Variants in CHP1 observed in about 807,000 individuals in gnomAD.
CHP1 encodes calcineurin B homologous protein 1.
CHP1 carries 11 observed loss-of-function variants against 27.4 expected under a neutral mutation model. That is an observed-to-expected ratio of 0.40 (90% CI 0.25 to 0.67). CHP1 has a LOEUF of 0.67. CHP1 is among the 30% of genes least tolerant of loss of function. The probability of loss-of-function intolerance (pLI) is 0.38; values close to 1 mark genes in which losing one functional copy is unlikely to be tolerated. For missense variants in CHP1, 169 were observed against 251.3 expected, an observed-to-expected ratio of 0.67 and a Z score of 2.22; for synonymous variants, 89 against 87.4, an observed-to-expected ratio of 1.02 and a Z score of -0.10.
chr15:41,264,248 C>G, intron 4 of CHP1: 1 of 1,278,660 alleles, frequency 7.8e-7, no homozygotes, highest in Non-Finnish European at 1.0e-6. Flanking sequence ...AAGTCCTTCC[C>G]CTCACTTTGA....
intron 3 of CHP1, among the ~76,000 whole-genome samples, chr15:41,259,416 C>G (rs1343047371): frequency 6.6e-6 from 1 of 152,084 alleles, no homozygotes; most frequent in Non-Finnish European, 1.5e-5. Context: ...CTCTACTGGG[C>G]TGCACTGCTT....
chr15:41,245,667 A>G (rs905811252), intron 2 of CHP1, among the ~76,000 whole-genome samples: 3 of 152,204 alleles, frequency 2.0e-5, no homozygotes, highest in African/African-American at 4.8e-5. Context: ...TATTGCAAAT[A>G]GTGTTGCTTT....
chr15:41,245,716 G>T (rs1365548399), intron 2 of CHP1, among the ~76,000 whole-genome samples: 1 of 152,094 alleles, frequency 6.6e-6, no homozygotes, highest in Non-Finnish European at 1.5e-5. Flanking sequence ...ATTTCTCTTG[G>T]ACGTATACCT....
At chr15:41,253,038 A>C (rs577731335) in intron 2 of CHP1, among the ~76,000 whole-genome samples, 34 of 145,968 alleles carry the variant, frequency 2.3e-4, no homozygotes, top group Non-Finnish European at 4.0e-4. Context: ...TCCCAGGTTC[A>C]AGTGATTCTC....
rs549326709 is a variant in CHP1, at chr15:41,275,281, A to G, written c.412-3486A>G. ...CAAGCGATTCTGCCTCAGCCTCCCA[A>G]GTAGCTGGGATTACAGGTGCCCGCC... On this transcript the variant is annotated intron_variant, in intron 5 of 6. Transcript: ENST00000334660. 3.2e-4 allele frequency among the ~76,000 whole-genome samples: 49 copies of G among 152,038 alleles called. 2 individuals are homozygous for G. In the South Asian group the frequency reaches 9.6e-3, roughly 30 times the overall value.
intron 2 of CHP1, among the ~76,000 whole-genome samples, chr15:41,247,228 G>A (rs941078296): frequency 9.2e-5 from 14 of 152,044 alleles, no homozygotes; most frequent in Admixed American, 3.3e-4. Context: ...AATTAGCTGG[G>A]TGTGGTGGCG....
At chr15:41,242,475 C>G (rs1012589403) in intron 1 of CHP1, among the ~76,000 whole-genome samples, 3 of 152,122 alleles carry the variant, frequency 2.0e-5, no homozygotes, top group African/African-American at 7.2e-5. Flanking sequence ...CATTTTTTAG[C>G]TGGAACTGTG....
intron 5 of CHP1, among the ~76,000 whole-genome samples, chr15:41,273,697 A>T (rs1292257877): frequency 1.3e-5 from 2 of 151,784 alleles, no homozygotes; most frequent in African/African-American, 4.9e-5. Context: ...TAAAAAAAAA[A>T]AAAAGAAGTC....
rs1003773401 is a variant in CHP1, at chr15:41,267,770, A to G, written c.350-2787A>G. Among the ~76,000 whole-genome samples the G allele has an allele frequency of 1.5e-4, 20 of 134,088 alleles. 1 individual carries two copies. Among genetic ancestry groups the G allele is most frequent in the Admixed American group, 4.4e-4 (6 of 13,792 alleles). The allele number at this position is 134,088 out of a possible 152,430, so 88.0% of individuals were successfully genotyped here. ...ACAGAACCTGGGCAACAGTATCTAC[A>G]AAAAAAAAAAAAATTGAGCTGGGCA... On this transcript the variant is annotated intron_variant, in intron 4 of 6. Coordinates refer to ENST00000334660, the MANE Select transcript of CHP1 (RefSeq NM_007236.5).
chr15:41,244,858 T>C (rs1271534383), intron 2 of CHP1, among the ~76,000 whole-genome samples: 2 of 152,198 alleles, frequency 1.3e-5, no homozygotes, highest in African/African-American at 4.8e-5. Context: ...CTGTGGTTCT[T>C]CATCTTTGAT....
In CHP1 at chr15:41,248,268, C is replaced by T. The variant is rs539166221; in HGVS notation, c.140+4529C>T. On this transcript the variant is annotated intron_variant, in intron 2 of 6. Transcript: ENST00000334660. ...GGCTCAGACAGTTCTCCCACCTCAGCTGCCCAAGTAGCTAGGACTACAGGC... is the reference window on the plus strand; with the variant it reads ...GGCTCAGACAGTTCTCCCACCTCAGTTGCCCAAGTAGCTAGGACTACAGGC... 8.5e-5 allele frequency among the ~76,000 whole-genome samples: 13 copies of T among 152,164 alleles called. No individual in the cohort carries two copies. The East Asian group carries it at 2.3e-3, about 27-fold the overall frequency.
intron 6 of CHP1, 25 bp from the exon 7 acceptor site, chr15:41,279,311 A>G: frequency 3.1e-6 from 5 of 1,593,554 alleles, no homozygotes; most frequent in Non-Finnish European, 4.3e-6. Flanking sequence ...TAACCTTTGT[A>G]ACTGTTACTG....
intron 1 of CHP1, among the ~76,000 whole-genome samples, chr15:41,235,880 C>T (rs1324594109): frequency 6.6e-6 from 1 of 152,186 alleles, no homozygotes; most frequent in East Asian, 1.9e-4. Flanking sequence ...TTCAGAAAAC[C>T]AGGCTGTCTT....
chr15:41,237,486 GAAGA>G (rs1023133786), intron 1 of CHP1, among the ~76,000 whole-genome samples: 1 of 152,116 alleles, frequency 6.6e-6, no homozygotes, highest in African/African-American at 2.4e-5. Flanking sequence ...CCAATTATAA[GAAGA>G]TAGATTTTGT....
At chr15:41,275,406 C>T (rs547238719) in intron 5 of CHP1, among the ~76,000 whole-genome samples, 22 of 152,270 alleles carry the variant, frequency 1.4e-4, no homozygotes, top group East Asian at 9.7e-4. Flanking sequence ...CTGCCTACCT[C>T]GGCCTCCCAA....
At chr15:41,248,460 C>T (rs2047347510) in intron 2 of CHP1, among the ~76,000 whole-genome samples, 1 of 152,122 alleles carries the variant, frequency 6.6e-6, no homozygotes, top group South Asian at 2.1e-4. Context: ...GAGACACAGT[C>T]TCACCTTGTT....
At chr15:41,253,515 C>CTCACT (rs1225766540) in intron 2 of CHP1, among the ~76,000 whole-genome samples, 4 of 150,924 alleles carry the variant, frequency 2.7e-5, no homozygotes, top group African/African-American at 4.9e-5. Context: ...AGTGCAGTGG[C>CTCACT]GCAATCTTGG....
At chr15:41,259,972 C>T (rs1050799009) in intron 3 of CHP1, among the ~76,000 whole-genome samples, 1 of 152,190 alleles carries the variant, frequency 6.6e-6, no homozygotes, top group East Asian at 1.9e-4. Context: ...TCAGGTGATC[C>T]GCCCGCCCCG....
intron 3 of CHP1, among the ~76,000 whole-genome samples, chr15:41,257,840 G>A (rs747500508): frequency 4.6e-5 from 7 of 152,184 alleles, no homozygotes; most frequent in African/African-American, 1.4e-4. Context: ...GATTACTGGC[G>A]TGAGCCACCA....
Sources: allele counts gnomAD v4.1 joint callset (sites outside exome capture counted in the v4.1 genomes callset), GRCh38; gene constraint gnomAD v4.1.1; transcripts MANE v1.5; gene names NCBI Gene and HGNC (gene_info 2026-07-23, HGNC 2026-07-21).